The following VPS13C variants were observed in gnomAD, a reference collection of about 807,000 sequenced individuals.
VPS13C encodes vacuolar protein sorting 13 homolog C, also known as intermembrane lipid transfer protein VPS13C.
A neutral mutation model predicts 456.8 loss-of-function variants in VPS13C; 358 were observed. The observed-to-expected ratio is 0.78, with a 90% CI of 0.72 to 0.86. The LOEUF (loss-of-function observed/expected upper bound fraction) is 0.86. Among genes scored for constraint, VPS13C ranks in the 40% least tolerant of loss-of-function variants. The pLI is 0.00. For missense variants in VPS13C, 4,818 were observed against 4,385.4 expected (o/e 1.10, Z -2.79); for synonymous variants, 1,578 against 1,486.7 (o/e 1.06, Z -1.41).
chr15:61,989,997 TCAA>T (rs1405835439), intron 18 of VPS13C, among the ~76,000 whole-genome samples: 1 of 152,090 alleles, frequency 6.6e-6, no homozygotes, highest in African/African-American at 2.4e-5. Flanking sequence ...CAAATGTTCA[TCAA>T]CAACAGTACA....
In VPS13C at chr15:61,947,311, T is replaced by C. The variant is rs1567035388; in HGVS notation, c.4760-2A>G. 6.3e-7 allele frequency: 1 copy of C among 1,595,372 alleles called. No homozygotes were observed. The highest frequency in any genetic ancestry group is 1.7e-5 in the Admixed American group (1 of 58,228). The stretch of plus-strand genomic sequence containing the variant: ...CCTTTTGGGAAATGTTGCTGGATAC[T>C]AAAAAATAATAGAAACCTTCTGATG... On this transcript the variant is annotated splice_acceptor_variant, in intron 42 of 84. Transcript: ENST00000644861. LOFTEE classifies it high-confidence loss of function.
In VPS13C at chr15:62,000,608, C is replaced by G. The variant is rs780162398; in HGVS notation, c.1309G>C (p.Asp437His). ...KEIQDLEKTLDVFNIILARQQ... is the reference protein window; with the variant it reads ...KEIQDLEKTLHVFNIILARQQ... The stretch of plus-strand genomic sequence containing the variant: ...CTTGCTAAAATTATGTTAAAAACAT[C>G]TAGAGTCTTCTCCAAGTCCTGTAAA... Residue 437 changes from aspartate to histidine, a missense_variant, in exon 16 of 85, where the codon GAT becomes CAT. Physicochemically the swap from Asp to His is moderately conservative, Grantham distance 81. Transcript: ENST00000644861. 6.2e-7 allele frequency: 1 copy of G among 1,606,492 alleles called. No individual in the cohort carries two copies. Among genetic ancestry groups the G allele is most frequent in the Non-Finnish European group, 8.5e-7 (1 of 1,177,658 alleles).
At chr15:62,025,701 A>G (rs2047613940) in intron 6 of VPS13C, among the ~76,000 whole-genome samples, 1 of 152,108 alleles carries the variant, frequency 6.6e-6, no homozygotes, top group Admixed American at 6.5e-5. Context: ...ATAGCTCTTT[A>G]GAGAAAGTTT....
At chr15:62,010,143 T>C (rs2046990728) in intron 13 of VPS13C, among the ~76,000 whole-genome samples, 1 of 151,290 alleles carries the variant, frequency 6.6e-6, no homozygotes, top group Non-Finnish European at 1.5e-5. Context: ...TGACCTGAGA[T>C]CGCACCACTG....
Position 61,942,073 on chromosome 15 carries a change from G to T in VPS13C, c.5149-6C>A. 2 of 1,544,126 alleles carry T rather than the reference G, an allele frequency of 1.3e-6. No individual in the cohort carries two copies. The highest frequency in any genetic ancestry group is 2.3e-5 in the East Asian group (1 of 43,812). ...TGGAAATTGTTGAGGAAGTTCTGTT[G>T]GAAGAGACAGATATTTAGGGGAAAA... is the stretch of plus-strand genomic sequence containing the variant. On this transcript the variant is annotated splice_polypyrimidine_tract_variant and splice_region_variant and intron_variant, in intron 45 of 84. Transcript: ENST00000644861.
intron 82 of VPS13C, among the ~76,000 whole-genome samples, chr15:61,859,001 T>C (rs1743078022): frequency 6.6e-6 from 1 of 152,140 alleles, no homozygotes; most frequent in African/African-American, 2.4e-5. Context: ...ACAAACCTTC[T>C]GTGGGGTAGA....
chr15:61,961,683 G>C lies in VPS13C; in HGVS notation c.3814C>G (p.His1272Asp), dbSNP rs757100222. 1.6e-5 allele frequency: 26 copies of C among 1,613,500 alleles called. No homozygotes were observed. The East Asian group carries it at 5.6e-4, about 35-fold the overall frequency. ...VVVDLGLIRV[H>D]NQFSLVSDED... ...TCAGACACCAGACTGAACTGATTAT[G>C]AACTCTGATTAACCCAAGATCTACC... Residue 1272 changes from histidine to aspartate, a missense_variant, in exon 35 of 85, where the codon CAT becomes GAT. This residue lies in a region of VPS13C where 4,552 missense variants were observed against 4,130.6 expected (regional missense o/e 1.10). Transcript: ENST00000644861.
chr15:61,881,046 A>ATATCT, intron 71 of VPS13C, 92 bp from the exon 72 acceptor site: 1 of 1,019,968 alleles, frequency 9.8e-7, no homozygotes, highest in South Asian at 1.8e-5. Context: ...AGCCACAGTT[A>ATATCT]TATCTTGTTC....
Position 61,853,509 on chromosome 15 carries a change from T to G in VPS13C, c.*948A>C, listed in dbSNP as rs996025523. The G allele has an allele frequency of 6.6e-6, 1 of 152,180 alleles. No individual in the cohort carries two copies. The highest frequency in any genetic ancestry group is 1.5e-5 in the Non-Finnish European group (1 of 68,028). The allele number at this position is 152,180 out of a possible 1,614,324, so 9.4% of individuals were successfully genotyped here. On this transcript the variant is annotated 3_prime_UTR_variant, in exon 85 of 85. Transcript: ENST00000644861. ...GAGTGTAGCTATTTTAAGGTTTGAT[T>G]GTCCAGATTTTTTTATTAGACTGCA... is the stretch of plus-strand genomic sequence containing the variant.
chr15:61,896,136 C>A (rs570702935), intron 66 of VPS13C, among the ~76,000 whole-genome samples: 1 of 152,122 alleles, frequency 6.6e-6, no homozygotes, highest in Non-Finnish European at 1.5e-5. Context: ...TAACAAGCAA[C>A]AAGATCAAAG....
In VPS13C at chr15:61,867,150, C is replaced by T; in HGVS notation, c.10863+1509G>A. 1 of 983,572 alleles carries T rather than the reference C, an allele frequency of 1.0e-6. No homozygotes were observed. Among genetic ancestry groups the T allele is most frequent in the Non-Finnish European group, 1.2e-6 (1 of 828,278 alleles). 60.9% of individuals were successfully genotyped at this position (983,572 alleles called of 1,614,324 possible). On this transcript the variant is annotated intron_variant, in intron 81 of 84. Transcript: ENST00000644861. The surrounding 1 kb of genome is among the most constrained non-coding windows in gnomAD (Gnocchi z 5.0). ...GAAATCTATGTATTCAAGTGCCACACAGCAATTTGCCTAATTACATGTTCA... is the reference window on the plus strand; with the variant it reads ...GAAATCTATGTATTCAAGTGCCACATAGCAATTTGCCTAATTACATGTTCA...
At chr15:62,046,557 T>C (rs552524396) in intron 1 of VPS13C, among the ~76,000 whole-genome samples, 166 of 152,278 alleles carry the variant, frequency 1.1e-3, no homozygotes, top group African/African-American at 3.8e-3. Context: ...TTTAATAAGA[T>C]CTAAGGCCCA....
In VPS13C at chr15:61,907,331, T is replaced by A; in HGVS notation, c.9038A>T (p.Asp3013Val). The change falls in exon 66 of 85, where the codon GAT becomes GTT. Residue 3013 changes from aspartate to valine, a missense_variant. Physicochemically the swap from Asp to Val is radical, Grantham distance 152 (BLOSUM62 -3). Transcript: ENST00000644861. Reference sequence around the variant, plus strand: ...TGTAAGTTTTCTGGTACCAGTAGGATCTGCCCAGGCAAAAAGTCGAGCCTG... The same window carrying A: ...TGTAAGTTTTCTGGTACCAGTAGGAACTGCCCAGGCAAAAAGTCGAGCCTG... ...PRQARLFAWA[D>V]PTGTRKLTWT... 1 of 1,614,056 alleles carries A rather than the reference T, an allele frequency of 6.2e-7. No homozygotes were observed.
chr15:62,029,560 C>T (rs1049612949), intron 5 of VPS13C, among the ~76,000 whole-genome samples: 2 of 152,120 alleles, frequency 1.3e-5, no homozygotes, highest in African/African-American at 2.4e-5. Flanking sequence ...CCGACTATAA[C>T]ATGTTCATTC....
intron 1 of VPS13C, among the ~76,000 whole-genome samples, chr15:62,049,761 A>G (rs988732740): frequency 5.3e-5 from 8 of 151,990 alleles, no homozygotes; most frequent in African/African-American, 1.7e-4. Context: ...ATTTGTTTGT[A>G]TCCTCTTTTA....
chr15:61,976,462 A>G (rs1391389599), intron 24 of VPS13C, among the ~76,000 whole-genome samples: 2 of 152,050 alleles, frequency 1.3e-5, no homozygotes, highest in African/African-American at 4.8e-5. Context: ...AAAGCAGACC[A>G]ATGTTGTCCA....
At chr15:62,035,130 G>A (rs1362704131) in intron 3 of VPS13C, 78 bp from the exon 4 acceptor site, 14 of 1,016,218 alleles carry the variant, frequency 1.4e-5, no homozygotes, top group East Asian at 1.3e-4. Flanking sequence ...TCCATTAAGC[G>A]AAAAAGCATA....
intron 6 of VPS13C, among the ~76,000 whole-genome samples, chr15:62,027,459 G>A (rs1377182596): frequency 6.6e-6 from 1 of 152,036 alleles, no homozygotes; most frequent in African/African-American, 2.4e-5. Flanking sequence ...AGGTTTATTA[G>A]AACGGAAACT....
chr15:62,000,439 T>A, intron 16 of VPS13C, 125 bp downstream of exon 16: 1 of 864,430 alleles, frequency 1.2e-6, no homozygotes, highest in Admixed American at 3.5e-5. Context: ...CTCCAGTTTC[T>A]TTTCTCCTGA....
Sources: gnomAD v4.1 joint callset for allele counts (sites outside exome capture counted in the v4.1 genomes callset) on GRCh38, gnomAD v4.1.1 for gene constraint, gnomAD v4.1.1 regional missense constraint, Gnocchi (gnomAD v3.1) non-coding constraint, MANE v1.5 for transcripts, NCBI Gene and HGNC (gene_info 2026-07-23, HGNC 2026-07-21) for gene names.